SLC18A1: variants seen among roughly 807,000 people sequenced by gnomAD.
The protein encoded by SLC18A1 is chromaffin granule amine transporter.
A neutral mutation model predicts 53.7 loss-of-function variants in SLC18A1; 69 were observed. The ratio of observed to expected loss-of-function variants is 1.28; its 90% CI spans 1.06 to 1.57. The LOEUF is 1.57. Ranked by LOEUF, SLC18A1 falls within the 40% of genes most tolerant of loss-of-function variation. The pLI is 0.00. For synonymous variants in SLC18A1, 320 were observed against 248.1 expected (o/e 1.29, Z -2.72); for missense variants, 932 against 668.1 (o/e 1.40, Z -4.35).
intron 1 of SLC18A1, among the ~76,000 whole-genome samples, chr8:20,182,735 C>G (rs911396899): frequency 4.6e-5 from 7 of 152,188 alleles, no homozygotes; most frequent in Admixed American, 4.6e-4. Flanking sequence ...GAACCAAATT[C>G]TCAGTTAAGT....
intron 15 of SLC18A1, 103 bp downstream of exon 15, chr8:20,147,155 G>C: frequency 8.0e-7 from 1 of 1,251,624 alleles, no homozygotes; most frequent in East Asian, 2.4e-5. Context: ...AGTATCAACA[G>C]AGCAATAGAG....
At chr8:20,163,011 A>G (rs2071867711) in intron 10 of SLC18A1, among the ~76,000 whole-genome samples, 1 of 152,182 alleles carries the variant, frequency 6.6e-6, no homozygotes, top group South Asian at 2.1e-4. Context: ...CTGCTGCTAT[A>G]ATATAACAGA....
At chr8:20,159,733 T>G (rs2071776282) in intron 10 of SLC18A1, among the ~76,000 whole-genome samples, 1 of 150,752 alleles carries the variant, frequency 6.6e-6, no homozygotes. Flanking sequence ...GACAGGCCAG[T>G]TGTGAGGTTT....
At chr8:20,160,988 C>T (rs1345511230) in intron 10 of SLC18A1, among the ~76,000 whole-genome samples, 1 of 152,178 alleles carries the variant, frequency 6.6e-6, no homozygotes, top group Non-Finnish European at 1.5e-5. Context: ...GACTTTATCA[C>T]CTACTAAAGG....
Position 20,165,063 on chromosome 8 carries a change from G to A in SLC18A1, c.903C>T (p.Tyr301=), listed in dbSNP as rs780635130. Residue 301 remains tyrosine (Y), a synonymous_variant, in exon 9 of 16, where the codon TAC becomes TAT. Transcript: ENST00000276373. ...CCAGCTTACCTGCAGCCACCAGGAT[G>A]TAAGGGTCTTTGAGAAGCATAAAGA... ...TPLFMLLKDP[Y]ILVAAGSICF... is the part of the protein sequence containing the mutation. 6 of 1,614,066 alleles carry A rather than the reference G, an allele frequency of 3.7e-6. No homozygotes were observed. The African/African-American group carries it at 6.7e-5, about 18-fold the overall frequency.
intron 2 of SLC18A1, among the ~76,000 whole-genome samples, chr8:20,180,356 A>T (rs1235985312): frequency 1.3e-5 from 2 of 152,218 alleles, no homozygotes; most frequent in East Asian, 3.9e-4. Flanking sequence ...TAATGTAATG[A>T]TTAGGAGAGT....
In SLC18A1 at chr8:20,164,834, G is replaced by T. The variant is rs747536359; in HGVS notation, c.1015+35C>A. ...GGACTCATGGCACCCACCTCCTCCT[G>T]CCAGGCCCTGAGCGGGGGTGCTGAG... is the stretch of plus-strand genomic sequence containing the variant. On this transcript the variant is annotated intron_variant, in intron 10 of 15. Coordinates refer to ENST00000276373, the MANE Select transcript of SLC18A1 (RefSeq NM_003053.4). 5 of 1,530,222 alleles carry T rather than the reference G, an allele frequency of 3.3e-6. No individual in the cohort carries two copies. In the Admixed American group the frequency reaches 5.4e-5, roughly 17 times the overall value. 94.8% of individuals were successfully genotyped at this position (1,530,222 alleles called of 1,614,324 possible).
At chr8:20,174,788 C>T (rs2072215552) in intron 4 of SLC18A1, among the ~76,000 whole-genome samples, 1 of 152,172 alleles carries the variant, frequency 6.6e-6, no homozygotes, top group Non-Finnish European at 1.5e-5. Flanking sequence ...GAAACTGGTT[C>T]TTAGATCATA....
chr8:20,177,337 A>G (rs1319911060), intron 4 of SLC18A1, among the ~76,000 whole-genome samples: 2 of 152,310 alleles, frequency 1.3e-5, no homozygotes, highest in Admixed American at 1.3e-4. Context: ...TGTGCTGGGA[A>G]AGAAGAAAAG....
chr8:20,166,401 G>C (rs2071966843), intron 8 of SLC18A1, among the ~76,000 whole-genome samples: 1 of 146,770 alleles, frequency 6.8e-6, no homozygotes, highest in African/African-American at 2.5e-5. Flanking sequence ...ACATATTATT[G>C]AGAAAAAAAG....
At chr8:20,173,509 G>A (rs2072179272) in intron 5 of SLC18A1, among the ~76,000 whole-genome samples, 1 of 152,202 alleles carries the variant, frequency 6.6e-6, no homozygotes, top group African/African-American at 2.4e-5. Context: ...TTTAACAGGG[G>A]TGCCCAGGGA....
At chr8:20,145,914 A>G in intron 15 of SLC18A1, 38 bp from the exon 16 acceptor site, 2 of 1,215,034 alleles carry the variant, frequency 1.6e-6, no homozygotes, top group Non-Finnish European at 2.3e-6. Context: ...ACTGCACATT[A>G]TTATCATTTT....
rs759912369 is a variant in SLC18A1, at chr8:20,149,708, C to A, written c.1114G>T (p.Gly372Trp). Residue 372 changes from glycine to tryptophan, a missense_variant, in exon 12 of 16, where the codon GGG becomes TGG. Coordinates refer to ENST00000276373, the MANE Select transcript of SLC18A1 (RefSeq NM_003053.4). ...AAGCTGGTACCTACTACCAGCATCCCGATTAGGGAACACAGCCACCTGGAA... is the reference window on the plus strand; with the variant it reads ...AAGCTGGTACCTACTACCAGCATCCAGATTAGGGAACACAGCCACCTGGAA... ...KMGRWLCSLI[G>W]MLVVGTSLLC... 2.5e-6 allele frequency: 4 copies of A among 1,613,520 alleles called. No homozygotes were observed. The highest frequency in any genetic ancestry group is 2.5e-6 in the Non-Finnish European group (3 of 1,179,926).
intron 10 of SLC18A1, among the ~76,000 whole-genome samples, chr8:20,151,887 A>G (rs879228281): frequency 6.6e-6 from 1 of 152,200 alleles, no homozygotes; most frequent in Admixed American, 6.5e-5. Context: ...AATAAGACAA[A>G]CAAAATTCTA....
chr8:20,166,319 A>G (rs1198456986), intron 8 of SLC18A1, among the ~76,000 whole-genome samples: 6 of 98,262 alleles, frequency 6.1e-5, no homozygotes, highest in East Asian at 3.5e-4. Flanking sequence ...ATATATATAT[A>G]TATATATATA....
chr8:20,177,656 A>AAAAGT (rs1263888216), intron 4 of SLC18A1, among the ~76,000 whole-genome samples: 1 of 152,174 alleles, frequency 6.6e-6, no homozygotes, highest in African/African-American at 2.4e-5. Context: ...AAAAGAAAAG[A>AAAAGT]AAAGAAAAAC....
At chr8:20,181,128 T>A (rs2072419159) in intron 1 of SLC18A1, 41 bp from the exon 2 acceptor site, 1 of 668,834 alleles carries the variant, frequency 1.5e-6, no homozygotes, top group Non-Finnish European at 2.4e-6. Context: ...AGTAGTAGGA[T>A]GATATTTGGA....
intron 8 of SLC18A1, among the ~76,000 whole-genome samples, chr8:20,169,553 G>GTAA (rs967857455): frequency 4.6e-5 from 7 of 152,038 alleles, no homozygotes; most frequent in East Asian, 1.9e-4. Flanking sequence ...CAAAACATTA[G>GTAA]TAATAATAAT....
chr8:20,159,188 T>C (rs2071753749), intron 10 of SLC18A1, among the ~76,000 whole-genome samples: 1 of 152,058 alleles, frequency 6.6e-6, no homozygotes, highest in African/African-American at 2.4e-5. Context: ...AGCACCCCTC[T>C]CAAGGAACTT....
Sources: gnomAD v4.1 joint callset for allele counts (sites outside exome capture counted in the v4.1 genomes callset) on GRCh38, gnomAD v4.1.1 for gene constraint, MANE v1.5 for transcripts, NCBI Gene and HGNC (gene_info 2026-07-23, HGNC 2026-07-21) for gene names.